The following PASD1 variants were observed in gnomAD, a reference collection of about 807,000 sequenced individuals.
PASD1 encodes the protein circadian clock protein PASD1.
In PASD1, 13 loss-of-function variants were observed where a neutral mutation model predicts 58.8. The ratio of observed to expected loss-of-function variants is 0.22; its 90% confidence interval spans 0.14 to 0.35. The LOEUF is 0.35. PASD1 is among the 10% of genes least tolerant of loss of function. The pLI, the probability that PASD1 is intolerant of heterozygous loss-of-function variation, is 1.00. For synonymous variants in PASD1, 236 were observed against 216.7 expected, an observed-to-expected ratio of 1.09 and a Z score of -0.78; for missense variants, 734 against 568.3, an observed-to-expected ratio of 1.29 and a Z score of -2.96.
intron 2 of PASD1, among the ~76,000 whole-genome samples, chrX:151,602,533 A>G (rs2013432047): frequency 9.1e-6 from 1 of 109,823 alleles, no homozygotes. Flanking sequence ...CGTCTCTACT[A>G]AAAATACAAA....
rs904472510 is a variant in PASD1, at chrX:151,587,555, G to A, written c.-27-13972G>A. On this transcript the variant is annotated intron_variant, in intron 1 of 15. Coordinates refer to ENST00000370357, the MANE Select transcript of PASD1 (RefSeq NM_173493.3). ...TATGCAGGTATGTGTGTATGTGTGTGTGCGTGCTTCCGTGGAATTGAGTTC... is the reference window on the plus strand; with the variant it reads ...TATGCAGGTATGTGTGTATGTGTGTATGCGTGCTTCCGTGGAATTGAGTTC... 8.2e-5 allele frequency among the ~76,000 whole-genome samples: 9 copies of A among 110,279 alleles called. No individual in the cohort carries two copies. The Admixed American group carries it at 8.8e-4, about 11-fold the overall frequency.
chrX:151,596,757 T>C (rs899566945), intron 1 of PASD1, among the ~76,000 whole-genome samples: 1 of 112,141 alleles, frequency 8.9e-6, no homozygotes, highest in Non-Finnish European at 1.9e-5. Context: ...CAACCACTCT[T>C]TTTTTTCCTG....
chrX:151,638,190 C>A (rs1435942831), intron 8 of PASD1, among the ~76,000 whole-genome samples: 1 of 109,318 alleles, frequency 9.1e-6, no homozygotes, highest in Non-Finnish European at 1.9e-5. Flanking sequence ...CAAATTATCA[C>A]AAGGACAGAA....
chrX:151,632,128 A>T (rs1283375815), intron 8 of PASD1, among the ~76,000 whole-genome samples: 1 of 110,928 alleles, frequency 9.0e-6, no homozygotes, highest in Non-Finnish European at 1.9e-5. Context: ...GGGAAAAAAA[A>T]TTGAGCAGTG....
At position 151,601,584 on chromosome X, in the gene PASD1, A is replaced by G. The variant is rs747924406; in HGVS notation, c.28+3A>G. Reference sequence around the variant, plus strand: ...GATGAGAGGGGAAAAGAGAAGAGGTATGCATTCATAACTGACTGACATTTC... The same window carrying G: ...GATGAGAGGGGAAAAGAGAAGAGGTGTGCATTCATAACTGACTGACATTTC... On this transcript the variant is annotated splice_donor_region_variant and intron_variant, in intron 2 of 15. Transcript: ENST00000370357. 1.2e-5 allele frequency: 15 copies of G among 1,207,809 alleles called. No individual in the cohort carries two copies. The African/African-American group carries it at 2.1e-4, about 17-fold the overall frequency.
At chrX:151,664,421 C>G (rs182964554) in intron 11 of PASD1, 73 bp downstream of exon 11, 125 of 1,161,745 alleles carry the variant, frequency 1.1e-4, no homozygotes, top group Admixed American at 8.8e-4. Flanking sequence ...CAAATTTTCA[C>G]TCTTGTGACC....
At chrX:151,602,359 T>C (rs1163861274) in intron 2 of PASD1, among the ~76,000 whole-genome samples, 1 of 111,194 alleles carries the variant, frequency 9.0e-6, no homozygotes, top group African/African-American at 3.3e-5. Context: ...CAAACAACCA[T>C]AGGGATCTTG....
At position 151,676,174 on chromosome X, in the gene PASD1, A is replaced by T; in HGVS notation, c.*31A>T. 1.8e-6 allele frequency: 2 copies of T among 1,123,007 alleles called. No homozygotes were observed. The highest frequency in any genetic ancestry group is 2.0e-5 in the South Asian group (1 of 50,912). The allele number at this position is 1,123,007 out of a possible 1,213,427, so 92.5% of individuals were successfully genotyped here. A position where few individuals can be genotyped will look rare whatever the true frequency, so the allele number is the denominator to read the frequency against. Reference sequence around the variant, plus strand: ...CTTTCATGACCAGTGATGAGGGGAAATGGGGGGAGGGGGCAGGCCAATGAG... The same window carrying T: ...CTTTCATGACCAGTGATGAGGGGAATTGGGGGGAGGGGGCAGGCCAATGAG... On this transcript the variant is annotated 3_prime_UTR_variant, in exon 16 of 16. Transcript: ENST00000370357.
intron 11 of PASD1, among the ~76,000 whole-genome samples, chrX:151,665,997 G>C (rs991018672): frequency 2.8e-5 from 3 of 108,730 alleles, no homozygotes; most frequent in African/African-American, 1.0e-4. Context: ...ATTTTCAATG[G>C]ACTAAAAATA....
intron 9 of PASD1, among the ~76,000 whole-genome samples, chrX:151,655,415 T>C (rs1343087895): frequency 8.9e-6 from 1 of 111,887 alleles, no homozygotes; most frequent in Non-Finnish European, 1.9e-5. Context: ...TCTAGATCCT[T>C]GAGGAATTGC....
At position 151,590,216 on chromosome X, in the gene PASD1, C is replaced by A. The variant is rs2013225600; in HGVS notation, c.-27-11311C>A. 3.6e-5 allele frequency among the ~76,000 whole-genome samples: 4 copies of A among 112,171 alleles called. No individual in the cohort carries two copies. The Admixed American group carries it at 3.8e-4, about 11-fold the overall frequency. On this transcript the variant is annotated intron_variant, in intron 1 of 15. Coordinates refer to ENST00000370357, the MANE Select transcript of PASD1 (RefSeq NM_173493.3). The stretch of plus-strand genomic sequence containing the variant: ...TTTCACATGGAACTGCACTAAAATT[C>A]AACTTTAAAAGGCAGAACAGGCAAA...
At chrX:151,636,619 G>A (rs1464168710) in intron 8 of PASD1, among the ~76,000 whole-genome samples, 1 of 111,199 alleles carries the variant, frequency 9.0e-6, no homozygotes, top group Non-Finnish European at 1.9e-5. Context: ...GGCCAGACTG[G>A]TCTTGAACTC....
At chrX:151,603,134 A>G (rs2013442050) in intron 2 of PASD1, among the ~76,000 whole-genome samples, 1 of 112,807 alleles carries the variant, frequency 8.9e-6, no homozygotes. Context: ...CTGCCCCGTC[A>G]GTCTGTAAGA....
intron 10 of PASD1, among the ~76,000 whole-genome samples, chrX:151,661,993 T>G (rs2014318208): frequency 8.9e-6 from 1 of 112,522 alleles, no homozygotes; most frequent in Admixed American, 9.4e-5. Flanking sequence ...TGGTACTGTT[T>G]TCCCCTTTGT....
chrX:151,660,919 C>T (rs1186426420), intron 10 of PASD1, among the ~76,000 whole-genome samples: 2 of 111,782 alleles, frequency 1.8e-5, no homozygotes, highest in South Asian at 3.7e-4. Context: ...TTTGAGAGGC[C>T]GAGGTGGGCG....
intron 1 of PASD1, among the ~76,000 whole-genome samples, chrX:151,585,488 G>A (rs1288185883): frequency 9.0e-6 from 1 of 111,431 alleles, no homozygotes; most frequent in East Asian, 2.8e-4. Context: ...GTTGAGGATG[G>A]ACTAGAGGGG....
At chrX:151,662,881 T>G (rs973658172) in intron 10 of PASD1, among the ~76,000 whole-genome samples, 1 of 112,241 alleles carries the variant, frequency 8.9e-6, no homozygotes, top group Non-Finnish European at 1.9e-5. Context: ...TGTGTGCATT[T>G]TTTTTGTCTT....
intron 8 of PASD1, among the ~76,000 whole-genome samples, chrX:151,628,069 A>G (rs1416748925): frequency 1.8e-5 from 2 of 110,548 alleles, no homozygotes; most frequent in Non-Finnish European, 3.8e-5. Context: ...TTTTTCTTGT[A>G]AATTTGTTTG....
At chrX:151,664,950 A>T (rs2014360128) in intron 11 of PASD1, among the ~76,000 whole-genome samples, 1 of 112,280 alleles carries the variant, frequency 8.9e-6, no homozygotes, top group African/African-American at 3.2e-5. Flanking sequence ...ACAGATTTCG[A>T]TGATCATCTT....
Sources: allele counts gnomAD v4.1 joint callset (sites outside exome capture counted in the v4.1 genomes callset), GRCh38; gene constraint gnomAD v4.1.1; transcripts MANE v1.5; gene names NCBI Gene and HGNC (gene_info 2026-07-23, HGNC 2026-07-21).